Variants in PRKAG2 observed in about 807,000 individuals in gnomAD.
PRKAG2 encodes the protein protein kinase AMP-activated non-catalytic subunit gamma 2, also known as 5'-AMP-activated protein kinase subunit gamma-2.
Under a neutral mutation model 69.6 loss-of-function variants are expected in PRKAG2, and 26 were observed. That is an observed-to-expected ratio of 0.37 (90% CI 0.27 to 0.52). The LOEUF is 0.52. Ranked by LOEUF, PRKAG2 falls within the 20% of genes least tolerant of loss-of-function variation. PRKAG2 has a pLI of 0.90. For missense variants in PRKAG2, 557 were observed against 740.0 expected (o/e 0.75, Z 2.87); for synonymous variants, 293 against 285.0 (o/e 1.03, Z -0.28).
chr7:151,872,639 G>A (rs568570428), intron 1 of PRKAG2, among the ~76,000 whole-genome samples: 9 of 152,354 alleles, frequency 5.9e-5, no homozygotes, highest in South Asian at 2.1e-4. Flanking sequence ...GCAGCAGGGC[G>A]GCTGGGCCAT....
chr7:151,783,478 T>C (rs1023011394), intron 2 of PRKAG2, among the ~76,000 whole-genome samples: 4 of 150,648 alleles, frequency 2.7e-5, no homozygotes, highest in African/African-American at 9.8e-5. Flanking sequence ...GTAGCTGGGA[T>C]TACAGTTGTC....
intron 4 of PRKAG2, among the ~76,000 whole-genome samples, chr7:151,672,719 T>C (rs1353859313): frequency 1.3e-5 from 2 of 152,126 alleles, no homozygotes; most frequent in Non-Finnish European, 2.9e-5. Flanking sequence ...TCCTCTCTTT[T>C]TAAGGCTGGG....
chr7:151,767,785 T>C (rs969847239), intron 3 of PRKAG2, among the ~76,000 whole-genome samples: 10 of 152,242 alleles, frequency 6.6e-5, no homozygotes, highest in Admixed American at 3.3e-4. Context: ...TCACTGACTT[T>C]TTTGAAACCA....
intron 5 of PRKAG2, among the ~76,000 whole-genome samples, chr7:151,628,787 C>A (rs976203210): frequency 6.6e-6 from 1 of 152,194 alleles, no homozygotes; most frequent in African/African-American, 2.4e-5. Context: ...AAAGTAACTA[C>A]AAACACTTAA....
At chr7:151,597,648 G>T (rs1404889618) in intron 5 of PRKAG2, among the ~76,000 whole-genome samples, 2 of 152,102 alleles carry the variant, frequency 1.3e-5, no homozygotes, top group Non-Finnish European at 2.9e-5. Context: ...TCTCAAAGAA[G>T]ACATACAAAT....
intron 3 of PRKAG2, among the ~76,000 whole-genome samples, chr7:151,717,279 G>A (rs1334811642): frequency 1.3e-5 from 2 of 151,524 alleles, no homozygotes; most frequent in Admixed American, 6.6e-5. Flanking sequence ...AAGGAAAGAG[G>A]TTGCCTTCAT....
chr7:151,619,880 G>C (rs775298619), intron 5 of PRKAG2, among the ~76,000 whole-genome samples: 3 of 152,200 alleles, frequency 2.0e-5, no homozygotes, highest in Non-Finnish European at 2.9e-5. Context: ...AATTAGCTGG[G>C]CATGGTGGCG....
At position 151,788,248 on chromosome 7, in the gene PRKAG2, C is replaced by T. The variant is rs1421040467; in HGVS notation, c.115-1707G>A. ...CACAGGGTTTCAATTTCTCCACATC[C>T]TCATCAACACTTGTTATCTTTGGTC... is the stretch of plus-strand genomic sequence containing the variant. On this transcript the variant is annotated intron_variant, in intron 1 of 15. Coordinates refer to ENST00000287878, the MANE Select transcript of PRKAG2 (RefSeq NM_016203.4). The surrounding 1 kb of genome is among the most constrained non-coding windows in gnomAD (Gnocchi z 4.6). 6.6e-6 allele frequency among the ~76,000 whole-genome samples: 1 copy of T among 152,212 alleles called. No individual in the cohort carries two copies. The highest frequency in any genetic ancestry group is 1.5e-5 in the Non-Finnish European group (1 of 68,042).
intron 3 of PRKAG2, among the ~76,000 whole-genome samples, chr7:151,728,251 C>T (rs543875847): frequency 6.6e-6 from 1 of 152,266 alleles, no homozygotes; most frequent in South Asian, 2.1e-4. Flanking sequence ...ACGCTGAGAG[C>T]ACCTGGACTT....
chr7:151,694,331 C>T, intron 3 of PRKAG2, among the ~76,000 whole-genome samples: 1 of 152,178 alleles, frequency 6.6e-6, no homozygotes, highest in East Asian at 1.9e-4. Flanking sequence ...CTAAAATTGA[C>T]CATCTTCAAG....
At chr7:151,720,580 A>G (rs1796891748) in intron 3 of PRKAG2, among the ~76,000 whole-genome samples, 1 of 149,630 alleles carries the variant, frequency 6.7e-6, no homozygotes, top group Admixed American at 6.7e-5. Context: ...AAGCTCTAGA[A>G]AATGCATGCA....
intron 3 of PRKAG2, among the ~76,000 whole-genome samples, chr7:151,730,664 G>C (rs1474646680): frequency 1.3e-5 from 2 of 152,016 alleles, no homozygotes; most frequent in Non-Finnish European, 2.9e-5. Context: ...GTGAGGAGGA[G>C]CAGGGGGGCT....
In PRKAG2 at chr7:151,791,253, T is replaced by TCTAA. The variant is rs555277257; in HGVS notation, c.115-4716_115-4713dup. 3.1e-3 allele frequency among the ~76,000 whole-genome samples: 469 copies of TCTAA among 152,304 alleles called. 4 individuals carry two copies. Among genetic ancestry groups the TCTAA allele is most frequent in the Non-Finnish European group, 4.9e-3 (330 of 68,026 alleles). On this transcript the variant is annotated intron_variant, in intron 1 of 15. Coordinates refer to ENST00000287878, the MANE Select transcript of PRKAG2 (RefSeq NM_016203.4). ...ATCTTGGGGCCGGTGTGGGAAAATC[T>TCTAA]CTAACTGCAACTATGGCAACTAGAG...
chr7:151,839,270 A>C (rs1452318283), intron 1 of PRKAG2, among the ~76,000 whole-genome samples: 1 of 152,206 alleles, frequency 6.6e-6, no homozygotes, highest in Non-Finnish European at 1.5e-5. Flanking sequence ...GGCCTGCAGA[A>C]GGAAGGAAAG....
chr7:151,860,241 G>T (rs1486216087), intron 1 of PRKAG2, among the ~76,000 whole-genome samples: 3 of 152,238 alleles, frequency 2.0e-5, no homozygotes, highest in Non-Finnish European at 2.9e-5. Flanking sequence ...AGGGCAGAAA[G>T]GGGGCACCAG....
At chr7:151,857,504 A>G (rs2079814813) in intron 1 of PRKAG2, among the ~76,000 whole-genome samples, 1 of 152,122 alleles carries the variant, frequency 6.6e-6, no homozygotes, top group Admixed American at 6.5e-5. Flanking sequence ...CTCGGGTTGC[A>G]TGCTGCCTTC....
In PRKAG2 at chr7:151,777,186, G is replaced by A. The variant is rs2076408938; in HGVS notation, c.466+3966C>T. Among the ~76,000 whole-genome samples, 1 of 152,182 alleles carries A rather than the reference G, an allele frequency of 6.6e-6. No individual in the cohort carries two copies. The highest frequency in any genetic ancestry group is 1.5e-5 in the Non-Finnish European group (1 of 68,018). On this transcript the variant is annotated intron_variant, in intron 3 of 15. Transcript: ENST00000287878. The surrounding 1 kb of genome is among the most constrained non-coding windows in gnomAD (Gnocchi z 4.3). ...AAGGGGCCATGGCCAGGTTCAGCAT[G>A]GGCCCCGAGGTCTAGCTCTTCACTG... is the stretch of plus-strand genomic sequence containing the variant.
intron 3 of PRKAG2, among the ~76,000 whole-genome samples, chr7:151,737,759 CT>C (rs988080898): frequency 7.2e-5 from 11 of 152,202 alleles, no homozygotes; most frequent in Non-Finnish European, 1.2e-4. Context: ...GGCCCAGTCA[CT>C]GCAGATGCCT....
intron 1 of PRKAG2, among the ~76,000 whole-genome samples, chr7:151,832,936 C>T (rs1206345466): frequency 6.6e-6 from 1 of 152,176 alleles, no homozygotes; most frequent in Non-Finnish European, 1.5e-5. Flanking sequence ...CCAGGACACC[C>T]ACACTGTCCC....
Sources: gnomAD v4.1 joint callset for allele counts (sites outside exome capture counted in the v4.1 genomes callset) on GRCh38, gnomAD v4.1.1 for gene constraint, Gnocchi (gnomAD v3.1) non-coding constraint, MANE v1.5 for transcripts, NCBI Gene and HGNC (gene_info 2026-07-23, HGNC 2026-07-21) for gene names.